The following BRF1 variants were observed in gnomAD, a reference collection of about 807,000 sequenced individuals.
The protein encoded by BRF1 is transcription factor IIIB 90 kDa subunit.
A neutral mutation model predicts 81.7 loss-of-function variants in BRF1; 59 were observed. The observed-to-expected ratio is 0.72, with a 90% CI of 0.59 to 0.90. The LOEUF (loss-of-function observed/expected upper bound fraction) is 0.90. BRF1 is among the 40% of genes least tolerant of loss of function. BRF1 has a pLI of 0.00. For missense variants in BRF1, 1,050 were observed against 936.3 expected (o/e 1.12, Z -1.58); for synonymous variants, 491 against 395.6 (o/e 1.24, Z -2.86).
Position 105,216,744 on chromosome 14 carries a change from C to T in BRF1, c.1772+800G>A, listed in dbSNP as rs587758136. Among the ~76,000 whole-genome samples, 115 of 152,314 alleles carry T rather than the reference C, an allele frequency of 7.6e-4. 1 individual carries two copies. The highest frequency in any genetic ancestry group is 2.6e-3 in the African/African-American group (110 of 41,578). On this transcript the variant is annotated intron_variant, in intron 15 of 17. Coordinates refer to ENST00000547530, the MANE Select transcript of BRF1 (RefSeq NM_001519.4). ...CCGAGAGTCAGCACTGCCCCACAGG[C>T]GGAAGCAGCTGGAGACAACGCAAGA...
chr14:105,228,530 C>T (rs1392928681), intron 7 of BRF1, among the ~76,000 whole-genome samples: 2 of 145,238 alleles, frequency 1.4e-5, no homozygotes, highest in Admixed American at 1.4e-4. Flanking sequence ...AGCGACAGAG[C>T]AAGGCTGTTC....
chr14:105,209,531 C>G lies in BRF1; in HGVS notation c.*1020G>C. On this transcript the variant is annotated 3_prime_UTR_variant, in exon 18 of 18. Coordinates refer to ENST00000547530, the MANE Select transcript of BRF1 (RefSeq NM_001519.4). Reference sequence around the variant, plus strand: ...CCCCTCCTAAGGACACAGGGTGAAGCCCCCTCGGCCACATCCGGGGCAGCC... The same window carrying G: ...CCCCTCCTAAGGACACAGGGTGAAGGCCCCTCGGCCACATCCGGGGCAGCC... 1.4e-6 allele frequency: 1 copy of G among 702,540 alleles called. No homozygotes were observed. The highest frequency in any genetic ancestry group is 2.6e-6 in the Non-Finnish European group (1 of 384,820). The allele number at this position is 702,540 out of a possible 1,614,324, so 43.5% of individuals were successfully genotyped here. A position where few individuals can be genotyped will look rare whatever the true frequency, so the allele number is the denominator to read the frequency against.
At position 105,309,776 on chromosome 14, in the gene BRF1, CTTTT is replaced by C. The variant is rs928875653; in HGVS notation, c.-162+5542_-162+5545del. Among the ~76,000 whole-genome samples the C allele has an allele frequency of 7.1e-4, 63 of 89,228 alleles. 1 individual carries two copies. The East Asian group carries it at 0.013, about 18-fold the overall frequency. The allele number at this position is 89,228 out of a possible 152,430, so 58.5% of individuals were successfully genotyped here. A position where few individuals can be genotyped will look rare whatever the true frequency, so the allele number is the denominator to read the frequency against. Reference sequence around the variant, plus strand: ...TTAAGGAGAAGGTGGTGATGTGTGTCTTTTTTTTTTTTTTTTTTTTTTTTTTTTA... The same window carrying C: ...TTAAGGAGAAGGTGGTGATGTGTGTCTTTTTTTTTTTTTTTTTTTTTTTTA... On this transcript the variant is annotated intron_variant, in intron 1 of 17. Coordinates refer to the BRF1 transcript ENST00000327359. This position sits in a 1 kb window ranked among gnomAD's most constrained non-coding sequence, Gnocchi z 4.0.
chr14:105,248,559 G>GGGTACGGGCTCGGGCGGGCGGGCGGGC, intron 5 of BRF1: 1 of 925,044 alleles, frequency 1.1e-6, no homozygotes, highest in Non-Finnish European at 1.3e-6. Context: ...GCGCCGCGGC[G>GGGTACGGGCTCGGGCGGGCGGGCGGGC]GGTACGGGCT....
At chr14:105,257,057 G>A (rs998825431) in intron 3 of BRF1, among the ~76,000 whole-genome samples, 1 of 152,096 alleles carries the variant, frequency 6.6e-6, no homozygotes, top group African/African-American at 2.4e-5. Context: ...CTTGGTGAGT[G>A]GTGAGCCTGC....
chr14:105,219,461 C>G (rs1385327520), intron 12 of BRF1: 47 of 928,926 alleles, frequency 5.1e-5, no homozygotes, highest in Non-Finnish European at 6.7e-5. Flanking sequence ...TGTGTGAGAC[C>G]CCCTAGGGCA....
chr14:105,278,885 A>T (rs1443485711), intron 2 of BRF1, among the ~76,000 whole-genome samples: 1 of 152,128 alleles, frequency 6.6e-6, no homozygotes, highest in African/African-American at 2.4e-5. Flanking sequence ...TCTACTAAAA[A>T]GTACAAATAT....
intron 1 of BRF1, among the ~76,000 whole-genome samples, chr14:105,296,486 C>A (rs895513096): frequency 1.3e-5 from 2 of 151,406 alleles, no homozygotes; most frequent in Admixed American, 6.6e-5. Context: ...GGACTCCAGC[C>A]TGGGTGACAG....
chr14:105,297,477 G>A (rs1185060721), intron 1 of BRF1, among the ~76,000 whole-genome samples: 1 of 152,146 alleles, frequency 6.6e-6, no homozygotes, highest in Admixed American at 6.5e-5. Flanking sequence ...GGCTGAGGCA[G>A]CAGAATCACT....
chr14:105,229,372 T>A (rs1387206698), intron 6 of BRF1, among the ~76,000 whole-genome samples: 1 of 152,220 alleles, frequency 6.6e-6, no homozygotes, highest in Admixed American at 6.5e-5. Context: ...TGTGTGCAGA[T>A]GGAACGGCTT....
chr14:105,250,141 C>G (rs1373733759), intron 5 of BRF1: 3 of 1,613,012 alleles, frequency 1.9e-6, no homozygotes, highest in East Asian at 4.5e-5. Context: ...AGGAGACCCA[C>G]AGCATCTTCC....
intron 10 of BRF1, 33 bp downstream of exon 10, chr14:105,226,036 G>A: frequency 6.3e-7 from 1 of 1,576,032 alleles, no homozygotes; most frequent in Non-Finnish European, 8.7e-7. Context: ...ACATTTTAAA[G>A]GTCTGAATAG....
At chr14:105,247,240 A>T (rs587728985) in intron 5 of BRF1, 1 of 985,394 alleles carries the variant, frequency 1.0e-6, no homozygotes, top group East Asian at 1.1e-4. Flanking sequence ...TCTCATGCAT[A>T]TGCTACAGCT....
intron 5 of BRF1, chr14:105,248,313 C>A: frequency 1.0e-6 from 1 of 985,466 alleles, no homozygotes; most frequent in Non-Finnish European, 1.2e-6. Flanking sequence ...GCGTTCCTAA[C>A]CAAAAGATCG....
intron 7 of BRF1, 107 bp from the exon 8 acceptor site, chr14:105,226,867 G>C (rs985267538): frequency 1.3e-6 from 2 of 1,552,630 alleles, no homozygotes; most frequent in Middle Eastern, 1.8e-4. Flanking sequence ...CCAGTGCTTT[G>C]GGAGCCCAAG....
At chr14:105,241,149 A>T (rs1332763359) in intron 6 of BRF1, 116 bp downstream of exon 6, 4 of 1,486,712 alleles carry the variant, frequency 2.7e-6, no homozygotes, top group Non-Finnish European at 3.6e-6. Flanking sequence ...GGGAGGCTGG[A>T]GGCAGCTCTC....
chr14:105,249,102 C>G, intron 5 of BRF1: 4 of 1,492,166 alleles, frequency 2.7e-6, no homozygotes, highest in Non-Finnish European at 3.5e-6. Context: ...CCGTGCCCCG[C>G]GGCCCCCGCG....
upstream of BRF1, among the ~76,000 whole-genome samples, chr14:105,303,454 A>G (rs2058094042): frequency 6.6e-6 from 1 of 152,098 alleles, no homozygotes; most frequent in Admixed American, 6.6e-5. Flanking sequence ...TGTGTTAGCC[A>G]GGATGGTCTT....
chr14:105,209,462 A>G lies in BRF1; in HGVS notation c.*1089T>C, dbSNP rs1214392162. ...TACAGCCCATTCCATGGGGAGGATGAGGCCCCTGGGGGTCAGTGAGGCACG... is the reference window on the plus strand; with the variant it reads ...TACAGCCCATTCCATGGGGAGGATGGGGCCCCTGGGGGTCAGTGAGGCACG... On this transcript the variant is annotated 3_prime_UTR_variant, in exon 18 of 18. Transcript: ENST00000547530. 1 of 697,954 alleles carries G rather than the reference A, an allele frequency of 1.4e-6. No individual in the cohort carries two copies. The highest frequency in any genetic ancestry group is 2.0e-5 in the Admixed American group (1 of 49,792). 43.2% of individuals were successfully genotyped at this position (697,954 alleles called of 1,614,324 possible).
Sources: gnomAD v4.1 joint callset for allele counts (sites outside exome capture counted in the v4.1 genomes callset) on GRCh38, gnomAD v4.1.1 for gene constraint, Gnocchi (gnomAD v3.1) non-coding constraint, MANE v1.5 for transcripts, NCBI Gene and HGNC (gene_info 2026-07-23, HGNC 2026-07-21) for gene names.